OSBPL6: variants seen among roughly 807,000 people sequenced by gnomAD.
OSBPL6 encodes the protein oxysterol binding protein like 6, also known as oxysterol-binding protein-related protein 6.
OSBPL6 carries 49 observed loss-of-function variants against 125.8 expected under a neutral mutation model. That is an observed-to-expected ratio of 0.39 (90% CI 0.31 to 0.49). The LOEUF (loss-of-function observed/expected upper bound fraction) is 0.49, where lower values mean the gene tolerates loss of function less well. Ranked by LOEUF, OSBPL6 falls within the 20% of genes least tolerant of loss-of-function variation. The probability of loss-of-function intolerance (pLI) is 0.88; values close to 1 mark genes in which losing one functional copy is unlikely to be tolerated. For synonymous variants in OSBPL6, 394 were observed against 391.8 expected (o/e 1.01, Z -0.07); for missense variants, 986 against 1,135.4 (o/e 0.87, Z 1.89).
rs888309716 is a variant in OSBPL6, at chr2:178,362,359, T to C, written c.1287+544T>C. Among the ~76,000 whole-genome samples the C allele has an allele frequency of 2.0e-5, 3 of 152,328 alleles. 1 individual carries two copies. In the South Asian group the frequency reaches 6.2e-4, roughly 32 times the overall value. ...GACTTTTATATTTCAATATATATTA[T>C]AGAGTTGATCTTATTAATACTAATC... On this transcript the variant is annotated intron_variant, in intron 13 of 24. Transcript: ENST00000190611.
chr2:178,365,037 G>A (rs772695421), intron 13 of OSBPL6, among the ~76,000 whole-genome samples: 1 of 152,134 alleles, frequency 6.6e-6, no homozygotes. Flanking sequence ...TTAGCTGGGC[G>A]TGGTGGCGGG....
intron 12 of OSBPL6, among the ~76,000 whole-genome samples, chr2:178,356,266 G>T (rs1281212954): frequency 1.3e-5 from 2 of 152,040 alleles, no homozygotes; most frequent in African/African-American, 2.4e-5. Flanking sequence ...AGAAATAAAG[G>T]GTATTCAATT....
At chr2:178,371,599 C>T (rs1345338066) in intron 13 of OSBPL6, among the ~76,000 whole-genome samples, 1 of 152,066 alleles carries the variant, frequency 6.6e-6, no homozygotes, top group Non-Finnish European at 1.5e-5. Context: ...TAATTATGTG[C>T]TCCTGGAAAA....
At chr2:178,206,898 A>C (rs1437654196) in intron 1 of OSBPL6, among the ~76,000 whole-genome samples, 1 of 151,912 alleles carries the variant, frequency 6.6e-6, no homozygotes, top group Non-Finnish European at 1.5e-5. Flanking sequence ...TACAGATGTG[A>C]GCCACCACAC....
intron 2 of OSBPL6, among the ~76,000 whole-genome samples, chr2:178,301,142 A>G (rs1328550494): frequency 6.6e-6 from 1 of 152,052 alleles, no homozygotes; most frequent in Admixed American, 6.6e-5. Context: ...AATGGGAAGG[A>G]TGGACAAAGT....
At chr2:178,331,351 G>C (rs112394607) in intron 5 of OSBPL6, among the ~76,000 whole-genome samples, 2 of 152,112 alleles carry the variant, frequency 1.3e-5, no homozygotes, top group African/African-American at 4.8e-5. Flanking sequence ...AAGAATCTTG[G>C]TAGGTTAACA....
intron 1 of OSBPL6, among the ~76,000 whole-genome samples, chr2:178,265,243 G>T (rs1269588233): frequency 9.5e-6 from 1 of 105,792 alleles, no homozygotes; most frequent in Non-Finnish European, 1.8e-5. Flanking sequence ...ATAGCATCTT[G>T]CTCTGTCACC....
At chr2:178,361,599 G>A (rs962100083) in intron 12 of OSBPL6, 83 bp from the exon 13 acceptor site, 2 of 1,526,660 alleles carry the variant, frequency 1.3e-6, no homozygotes, top group South Asian at 2.5e-5. Context: ...CTATTTGTGA[G>A]TGAAAGTCTG....
At chr2:178,245,784 T>A (rs2091465959) in intron 1 of OSBPL6, among the ~76,000 whole-genome samples, 1 of 152,160 alleles carries the variant, frequency 6.6e-6, no homozygotes, top group Admixed American at 6.5e-5. Context: ...GAGCTTCAGA[T>A]GACTTATGAC....
At chr2:178,323,473 T>G (rs1559244709) in intron 3 of OSBPL6, 1 of 152,122 alleles carries the variant, frequency 6.6e-6, no homozygotes, top group Non-Finnish European at 1.5e-5. Flanking sequence ...ATTTATTTAT[T>G]TATTTTTGTG....
At chr2:178,245,893 A>G (rs997679311) in intron 1 of OSBPL6, among the ~76,000 whole-genome samples, 18 of 152,210 alleles carry the variant, frequency 1.2e-4, no homozygotes, top group Admixed American at 5.9e-4. Flanking sequence ...TACATCCTAT[A>G]GGAATTCGGG....
chr2:178,292,444 A>G (rs1239163539), intron 2 of OSBPL6, among the ~76,000 whole-genome samples: 2 of 152,186 alleles, frequency 1.3e-5, no homozygotes, highest in Non-Finnish European at 2.9e-5. Context: ...CTCTTGGAAG[A>G]AATGACTACA....
At chr2:178,300,690 GCCTCAAGTGAT>G (rs1686196144) in intron 2 of OSBPL6, among the ~76,000 whole-genome samples, 3 of 152,162 alleles carry the variant, frequency 2.0e-5, no homozygotes, top group Non-Finnish European at 1.5e-5. Context: ...TGAACTACTG[GCCTCAAGTGAT>G]CCTACTTATC....
At chr2:178,307,424 T>C (rs1686866116) in intron 3 of OSBPL6, among the ~76,000 whole-genome samples, 2 of 152,230 alleles carry the variant, frequency 1.3e-5, no homozygotes, top group Admixed American at 6.5e-5. Context: ...CAGGTGTTTC[T>C]ACTCCAGGGT....
At chr2:178,343,651 T>C (rs543877815) in intron 11 of OSBPL6, among the ~76,000 whole-genome samples, 6 of 152,202 alleles carry the variant, frequency 3.9e-5, no homozygotes, top group Non-Finnish European at 8.8e-5. Context: ...AAGTTTTCTT[T>C]TCTGATCTTA....
chr2:178,259,391 G>A (rs1015770222), intron 1 of OSBPL6, among the ~76,000 whole-genome samples: 2 of 152,028 alleles, frequency 1.3e-5, no homozygotes, highest in Admixed American at 6.6e-5. Context: ...CATTTTTAAC[G>A]AGATTACTTA....
chr2:178,238,886 C>G (rs1478528222), intron 1 of OSBPL6, among the ~76,000 whole-genome samples: 1 of 152,134 alleles, frequency 6.6e-6, no homozygotes, highest in Non-Finnish European at 1.5e-5. Context: ...CTGCTGTGTG[C>G]TTTTTCACAT....
At chr2:178,223,493 T>C (rs2090427126) in intron 1 of OSBPL6, among the ~76,000 whole-genome samples, 1 of 152,248 alleles carries the variant, frequency 6.6e-6, no homozygotes, top group Non-Finnish European at 1.5e-5. Flanking sequence ...TATATGTATA[T>C]CTTTCGATAT....
chr2:178,195,014 C>CGGCGCCCCTGCTCCCCGCAGGCT (rs1432182366), intron 1 of OSBPL6, among the ~76,000 whole-genome samples: 1 of 152,138 alleles, frequency 6.6e-6, no homozygotes, highest in Non-Finnish European at 1.5e-5. Flanking sequence ...TCGCGCGGGC[C>CGGCGCCCCTGCTCCCCGCAGGCT]GGCGCCCCTG....
Sources: gnomAD v4.1 joint callset for allele counts (sites outside exome capture counted in the v4.1 genomes callset) on GRCh38, gnomAD v4.1.1 for gene constraint, MANE v1.5 for transcripts, NCBI Gene and HGNC (gene_info 2026-07-23, HGNC 2026-07-21) for gene names.